Variants in FDFT1 observed in about 807,000 individuals in gnomAD.
FDFT1 encodes squalene synthase.
In FDFT1, 68 loss-of-function variants were observed where a neutral mutation model predicts 46.8. The ratio of observed to expected loss-of-function variants is 1.45; its 90% CI spans 1.19 to 1.78. FDFT1 has a LOEUF of 1.78. FDFT1 is among the 40% of genes most tolerant of loss of function. The pLI is 0.00. For missense variants in FDFT1, 928 were observed against 524.4 expected, an observed-to-expected ratio of 1.77 and a Z score of -7.52; for synonymous variants, 351 against 185.1, an observed-to-expected ratio of 1.90 and a Z score of -7.28.
chr8:11,799,806 C>T (rs564750163), upstream of FDFT1, among the ~76,000 whole-genome samples: 16 of 151,892 alleles, frequency 1.1e-4, no homozygotes, highest in East Asian at 1.2e-3. Context: ...ATTAGCTGGC[C>T]GTGGTGGTAC....
chr8:11,802,257 G>C (rs1806200613), upstream of FDFT1: 1 of 380,730 alleles, frequency 2.6e-6, no homozygotes, highest in Non-Finnish European at 5.2e-6. Context: ...CACGGTTTTA[G>C]GCTCTACAGA....
intron 3 of FDFT1, among the ~76,000 whole-genome samples, chr8:11,813,427 G>A (rs1052688359): frequency 9.9e-5 from 15 of 152,002 alleles, no homozygotes; most frequent in African/African-American, 2.7e-4. Flanking sequence ...CTATAACATC[G>A]TTTAACAGGG....
chr8:11,826,905 G>A (rs1293922799), intron 5 of FDFT1, among the ~76,000 whole-genome samples: 2 of 152,118 alleles, frequency 1.3e-5, no homozygotes, highest in African/African-American at 2.4e-5. Context: ...CCTGGATTAC[G>A]TCTACACAGT....
At position 11,808,879 on chromosome 8, in the gene FDFT1, A is replaced by G. The variant is rs1444818365; in HGVS notation, c.185A>G (p.Asp62Gly). Residue 62 changes from aspartate (D) to glycine (G), a missense_variant, in exon 2 of 8, where the codon GAT becomes GGT. Asp to Gly is a moderately conservative substitution (Grantham distance 94). Coordinates refer to ENST00000220584, the MANE Select transcript of FDFT1 (RefSeq NM_004462.5). ...TTCGCAGCTGTTATCCAGGCGCTGG[A>G]TGGGGAAATGCGGTGAGTGATGGAG... ...RSFAAVIQALDGEMRNAVCIF... is the reference protein window; with the variant it reads ...RSFAAVIQALGGEMRNAVCIF... 1.3e-5 allele frequency: 21 copies of G among 1,613,746 alleles called. No homozygotes were observed. Among genetic ancestry groups the G allele is most frequent in the Non-Finnish European group, 1.6e-5 (19 of 1,179,902 alleles).
intron 5 of FDFT1, 118 bp downstream of exon 5, chr8:11,826,333 G>C: frequency 1.5e-6 from 1 of 683,392 alleles, no homozygotes; most frequent in Non-Finnish European, 2.4e-6. Flanking sequence ...GGCAGCATAA[G>C]GGGATGTGGA....
intron 1 of FDFT1, chr8:11,803,541 AT>A: frequency 8.7e-7 from 1 of 1,146,024 alleles, no homozygotes; most frequent in Non-Finnish European, 1.1e-6. Context: ...TTTTACTTAG[AT>A]TTTTATCTGC....
chr8:11,825,189 C>A (rs141072848), intron 4 of FDFT1, among the ~76,000 whole-genome samples: 1 of 152,106 alleles, frequency 6.6e-6, no homozygotes, highest in African/African-American at 2.4e-5. Flanking sequence ...GTTCCTGTTA[C>A]CAGAATATTC....
rs1289835934 is a variant in FDFT1, at chr8:11,831,427, C to G, written c.880-91C>G. On this transcript the variant is annotated intron_variant, in intron 6 of 7. Coordinates refer to ENST00000220584, the MANE Select transcript of FDFT1 (RefSeq NM_004462.5). Reference sequence around the variant, plus strand: ...TAGTTGATTAGCAGTTAGCAATTGCCCATTCAACAGAAGGTTTTCTTACCT... The same window carrying G: ...TAGTTGATTAGCAGTTAGCAATTGCGCATTCAACAGAAGGTTTTCTTACCT... The G allele has an allele frequency of 7.3e-6, 8 of 1,102,558 alleles. No homozygotes were observed. The Admixed American group carries it at 1.2e-4, about 16-fold the overall frequency. The allele number at this position is 1,102,558 out of a possible 1,614,324, so 68.3% of individuals were successfully genotyped here.
Position 11,806,899 on chromosome 8 carries a change from A to G in FDFT1, c.100-1895A>G, listed in dbSNP as rs529578265. Among the ~76,000 whole-genome samples the G allele has an allele frequency of 5.3e-5, 8 of 152,302 alleles. No individual in the cohort carries two copies. The East Asian group carries it at 1.5e-3, about 29-fold the overall frequency. ...CCAGACGCTGAAGTTTACTAATATT[A>G]TGGTGCCCAGTAAATACTTGTTTTT... On this transcript the variant is annotated intron_variant, in intron 1 of 7. Transcript: ENST00000220584.
In FDFT1 at chr8:11,821,839, T is replaced by G; in HGVS notation, c.471T>G (p.Phe157Leu). The G allele has an allele frequency of 6.2e-7, 1 of 1,613,650 alleles. No homozygotes were observed. The highest frequency in any genetic ancestry group is 8.5e-7 in the Non-Finnish European group (1 of 1,179,638). Residue 157 changes from phenylalanine (F) to leucine (L), a missense_variant, in exon 4 of 8, where the codon TTT (phenylalanine) becomes TTG (leucine). Physicochemically the swap from Phe to Leu is conservative, Grantham distance 22. Transcript: ENST00000220584. Reference protein sequence around the residue: ...CRRMGIGMAEFLDKHVTSEQE... With the variant: ...CRRMGIGMAELLDKHVTSEQE... ...GAATGGGCATTGGGATGGCAGAGTT[T>G]TTGGATAAGCATGTGACCTCTGAAC...
Position 11,831,535 on chromosome 8 carries a change from T to G in FDFT1, c.897T>G (p.Thr299=). 6.2e-7 allele frequency: 1 copy of G among 1,614,134 alleles called. No individual in the cohort carries two copies. Among genetic ancestry groups the G allele is most frequent in the South Asian group, 1.1e-5 (1 of 91,072 alleles). The change falls in exon 7 of 8, where the codon ACT becomes ACG. Residue 299 remains threonine (T), a synonymous_variant. Coordinates refer to ENST00000220584, the MANE Select transcript of FDFT1 (RefSeq NM_004462.5). Reference sequence around the variant, plus strand: ...GTCTCTAGGTGATGGCCATTGCCACTTTGGCTGCCTGTTATAATAACCAGC... The same window carrying G: ...GTCTCTAGGTGATGGCCATTGCCACGTTGGCTGCCTGTTATAATAACCAGC... ...CAIPQVMAIA[T]LAACYNNQQV...
Position 11,809,965 on chromosome 8 carries a change from A to T in FDFT1, c.381+115A>T, listed in dbSNP as rs1002013706. The stretch of plus-strand genomic sequence containing the variant: ...GTTAAATAAGCATTCTGAGGGCAGC[A>T]TAATGTGAGGGTTAAAAACTCCGGT... On this transcript the variant is annotated intron_variant, in intron 3 of 7. Transcript: ENST00000220584. 14 of 789,530 alleles carry T rather than the reference A, an allele frequency of 1.8e-5. No homozygotes were observed. The African/African-American group carries it at 2.4e-4, about 14-fold the overall frequency. The allele number at this position is 789,530 out of a possible 1,614,324, so 48.9% of individuals were successfully genotyped here. A position where few individuals can be genotyped will look rare whatever the true frequency, so the allele number is the denominator to read the frequency against.
At chr8:11,834,153 C>A (rs921549156) in intron 7 of FDFT1, among the ~76,000 whole-genome samples, 4 of 152,174 alleles carry the variant, frequency 2.6e-5, no homozygotes, top group African/African-American at 7.2e-5. Context: ...AGTGTTGTAG[C>A]GAGCATGCAC....
At chr8:11,837,285 C>T (rs1465706514) in intron 7 of FDFT1, among the ~76,000 whole-genome samples, 1 of 152,226 alleles carries the variant, frequency 6.6e-6, no homozygotes, top group Non-Finnish European at 1.5e-5. Context: ...GGCTGGAGTG[C>T]AGTGGCATGA....
At chr8:11,816,820 C>T (rs1315043434) in intron 3 of FDFT1, among the ~76,000 whole-genome samples, 2 of 151,802 alleles carry the variant, frequency 1.3e-5, no homozygotes, top group African/African-American at 4.8e-5. Flanking sequence ...TGCAAACAGG[C>T]AATTTTACTT....
At chr8:11,796,586 G>A (rs895924239) in intron 1 of FDFT1, among the ~76,000 whole-genome samples, 1 of 152,212 alleles carries the variant, frequency 6.6e-6, no homozygotes, top group African/African-American at 2.4e-5. Flanking sequence ...GTGGAAAAGG[G>A]GAAGGCTGCA....
chr8:11,809,069 T>A, intron 2 of FDFT1, 178 bp downstream of exon 2: 1 of 1,282,420 alleles, frequency 7.8e-7, no homozygotes, highest in East Asian at 2.8e-5. Context: ...CTCTTTGCCA[T>A]CTAGTAGAGT....
intron 7 of FDFT1, among the ~76,000 whole-genome samples, chr8:11,837,970 C>T (rs561450207): frequency 8.5e-5 from 13 of 152,300 alleles, no homozygotes; most frequent in African/African-American, 2.6e-4. Flanking sequence ...GTCTGTACTG[C>T]GTGTTCCATC....
intron 3 of FDFT1, among the ~76,000 whole-genome samples, chr8:11,816,774 G>A (rs62494616): frequency 6.6e-5 from 10 of 152,202 alleles, no homozygotes; most frequent in Admixed American, 1.3e-4. Flanking sequence ...TTAGGGCTGA[G>A]ACGATGGGGT....
Sources: allele counts gnomAD v4.1 joint callset (sites outside exome capture counted in the v4.1 genomes callset), GRCh38; gene constraint gnomAD v4.1.1; transcripts MANE v1.5; gene names NCBI Gene and HGNC (gene_info 2026-07-23, HGNC 2026-07-21).